DAB1: variants seen among roughly 807,000 people sequenced by gnomAD.
DAB1 encodes DAB adaptor protein 1.
DAB1 carries 15 observed loss-of-function variants against 64.6 expected under a neutral mutation model. The observed-to-expected ratio is 0.23, with a 90% CI of 0.16 to 0.36. The LOEUF (loss-of-function observed/expected upper bound fraction) is 0.36. Among genes scored for constraint, DAB1 ranks in the 10% least tolerant of loss-of-function variants. The pLI is 1.00. For synonymous variants in DAB1, 235 were observed against 251.9 expected, an observed-to-expected ratio of 0.93 and a Z score of 0.64; for missense variants, 596 against 706.7, an observed-to-expected ratio of 0.84 and a Z score of 1.78.
chr1:57,064,138 A>G (rs913889040), intron 8 of DAB1, among the ~76,000 whole-genome samples: 1 of 152,206 alleles, frequency 6.6e-6, no homozygotes, highest in African/African-American at 2.4e-5. Flanking sequence ...AGCTAACTAC[A>G]CCATTGTTCT....
chr1:58,378,811 G>T (rs1361328230), intron 3 of DAB1, among the ~76,000 whole-genome samples: 5 of 110,016 alleles, frequency 4.5e-5, no homozygotes, highest in African/African-American at 1.3e-4. Flanking sequence ...ATCTCAGACT[G>T]CTGTGCTAGC....
intron 2 of DAB1, 144 bp downstream of exon 2, chr1:57,290,820 T>C: frequency 1.9e-6 from 1 of 532,534 alleles, no homozygotes; most frequent in East Asian, 3.2e-5. Context: ...ATTACATTAT[T>C]ATATTATTAA....
intron 3 of DAB1, among the ~76,000 whole-genome samples, chr1:58,448,798 G>A (rs865938636): frequency 9.9e-5 from 15 of 152,176 alleles, no homozygotes; most frequent in South Asian, 6.2e-4. Flanking sequence ...TGAGTAAAAC[G>A]CTTGCATCCC....
intron 7 of DAB1, among the ~76,000 whole-genome samples, chr1:57,553,197 T>A (rs567033242): frequency 6.6e-6 from 1 of 151,592 alleles, no homozygotes; most frequent in South Asian, 2.1e-4. Context: ...TTACTTAGGA[T>A]TAGGAATATG....
At chr1:57,039,668 T>G (rs1647476743) in intron 9 of DAB1, among the ~76,000 whole-genome samples, 1 of 152,154 alleles carries the variant, frequency 6.6e-6, no homozygotes, top group Admixed American at 6.6e-5. Flanking sequence ...TTATACCTAT[T>G]TTAGAACTCA....
intron 4 of DAB1, among the ~76,000 whole-genome samples, chr1:58,339,274 A>G (rs1265547510): frequency 2.0e-5 from 3 of 152,212 alleles, no homozygotes; most frequent in Non-Finnish European, 2.9e-5. Context: ...TGAGATTTTC[A>G]TTCATTCAAC....
chr1:57,427,364 A>C (rs1685330352), upstream of DAB1, among the ~76,000 whole-genome samples: 1 of 152,220 alleles, frequency 6.6e-6, no homozygotes, highest in East Asian at 1.9e-4. Context: ...CTTGGAGTCA[A>C]CCTAATAAAA....
intron 1 of DAB1, among the ~76,000 whole-genome samples, chr1:57,324,098 A>G (rs1407184457): frequency 6.6e-5 from 10 of 152,236 alleles, no homozygotes; most frequent in Admixed American, 6.5e-4. Flanking sequence ...AGACCTGGTT[A>G]ATGTGAGACA....
intron 6 of DAB1, among the ~76,000 whole-genome samples, chr1:57,709,746 AT>A (rs2101743382): frequency 6.6e-6 from 1 of 152,268 alleles, no homozygotes; most frequent in Non-Finnish European, 1.5e-5. Flanking sequence ...TTTGCATAGC[AT>A]GTGAAAATCT....
At chr1:57,609,130 T>C (rs1337497821) in intron 7 of DAB1, among the ~76,000 whole-genome samples, 1 of 152,178 alleles carries the variant, frequency 6.6e-6, no homozygotes, top group Non-Finnish European at 1.5e-5. Flanking sequence ...GGCATTTGCA[T>C]TTGTAATCCC....
At chr1:58,504,379 T>C (rs1220718311) in intron 3 of DAB1, among the ~76,000 whole-genome samples, 1 of 152,154 alleles carries the variant, frequency 6.6e-6, no homozygotes, top group Non-Finnish European at 1.5e-5. Flanking sequence ...AGGCTCTCTC[T>C]CCCTCCACAC....
At chr1:57,234,598 C>T (rs1667952593) in intron 2 of DAB1, among the ~76,000 whole-genome samples, 1 of 152,108 alleles carries the variant, frequency 6.6e-6, no homozygotes, top group South Asian at 2.1e-4. Flanking sequence ...AACCAGTCAC[C>T]ACAGATTTGG....
chr1:57,630,191 G>A (rs1208946458), intron 7 of DAB1, among the ~76,000 whole-genome samples: 1 of 152,160 alleles, frequency 6.6e-6, no homozygotes, highest in African/African-American at 2.4e-5. Context: ...ACAGCCAAAG[G>A]ACCAAATATC....
At position 58,100,003 on chromosome 1, in the gene DAB1, C is replaced by T. The variant is rs985581313; in HGVS notation, n.387+50508G>A. On this transcript the variant is annotated intron_variant and non_coding_transcript_variant, in intron 5 of 20. Transcript: ENST00000485760. ...TGCTCAGCAATTCCTTCCATTTAAA[C>T]ATAACTTGCTTATCACCACCCTGAC... Among the ~76,000 whole-genome samples, 6 of 152,342 alleles carry T rather than the reference C, an allele frequency of 3.9e-5. 1 individual carries two copies. Among genetic ancestry groups the T allele is most frequent in the Admixed American group, 3.3e-4 (5 of 15,296 alleles).
chr1:57,724,248 A>G (rs1647181504), intron 6 of DAB1, among the ~76,000 whole-genome samples: 1 of 143,584 alleles, frequency 7.0e-6, no homozygotes, highest in Admixed American at 7.0e-5. Flanking sequence ...GAAAGAAAGG[A>G]AGGGAGGGAG....
At chr1:58,459,690 T>C (rs1443916252) in intron 3 of DAB1, among the ~76,000 whole-genome samples, 1 of 152,188 alleles carries the variant, frequency 6.6e-6, no homozygotes, top group Non-Finnish European at 1.5e-5. Flanking sequence ...TAGAAACAAG[T>C]CACAGGGCCG....
chr1:58,497,116 G>A (rs1040343928), intron 3 of DAB1, among the ~76,000 whole-genome samples: 4 of 152,066 alleles, frequency 2.6e-5, no homozygotes, highest in African/African-American at 7.2e-5. Flanking sequence ...CTATTTACAG[G>A]TATATATAGA....
intron 1 of DAB1, among the ~76,000 whole-genome samples, chr1:57,295,104 G>A (rs1356502626): frequency 6.6e-6 from 1 of 152,098 alleles, no homozygotes; most frequent in Non-Finnish European, 1.5e-5. Context: ...CTGCTTAATG[G>A]GTATGGGGTC....
rs1174846256 is a variant in DAB1, at chr1:57,395,007, C to G, written c.-137+28923G>C. Among the ~76,000 whole-genome samples the G allele has an allele frequency of 2.6e-5, 4 of 152,064 alleles. No individual in the cohort carries two copies. In the South Asian group the frequency reaches 8.3e-4, roughly 31 times the overall value. ...CATTTCTGCCCATCAAAGGAACAAA[C>G]AATTACTAATATATATGTTTTTTGT... On this transcript the variant is annotated intron_variant, in intron 1 of 14. Coordinates refer to ENST00000371236, the MANE Select transcript of DAB1 (RefSeq NM_001365792.1).
Sources: allele counts gnomAD v4.1 joint callset (sites outside exome capture counted in the v4.1 genomes callset), GRCh38; gene constraint gnomAD v4.1.1; transcripts MANE v1.5; gene names NCBI Gene and HGNC (gene_info 2026-07-23, HGNC 2026-07-21).